Variants in MAGI2 observed in about 807,000 individuals in gnomAD.
MAGI2 encodes membrane associated guanylate kinase, WW and PDZ domain containing 2, also known as membrane-associated guanylate kinase, WW and PDZ domain-containing protein 2.
Under a neutral mutation model 133.3 loss-of-function variants are expected in MAGI2, and 35 were observed. The ratio of observed to expected loss-of-function variants is 0.26; its 90% CI spans 0.20 to 0.35. MAGI2 has a LOEUF of 0.35. Among genes scored for constraint, MAGI2 ranks in the 10% least tolerant of loss-of-function variants. The pLI, the probability that MAGI2 is intolerant of heterozygous loss-of-function variation, is 1.00. For missense variants in MAGI2, 1,636 were observed against 1,863.4 expected (o/e 0.88, Z 2.25); for synonymous variants, 729 against 710.6 (o/e 1.03, Z -0.41).
At chr7:78,649,222 T>TAAAAAAAAAAAAAAAAAAAA (rs1361378575) in intron 2 of MAGI2, among the ~76,000 whole-genome samples, 815 of 43,900 alleles carry the variant, frequency 0.019, 46 homozygotes, top group Middle Eastern at 0.026. Context: ...TGACTTGTGG[T>TAAAAAAAAAAAAAAAAAAAA]AAAAAAAAAA....
intron 20 of MAGI2, among the ~76,000 whole-genome samples, chr7:78,106,732 T>C (rs921783404): frequency 2.0e-5 from 3 of 152,196 alleles, no homozygotes; most frequent in Admixed American, 6.5e-5. Flanking sequence ...TTGAGTTGTT[T>C]GAGCTCCATA....
intron 1 of MAGI2, among the ~76,000 whole-genome samples, chr7:79,232,174 G>A (rs1457972171): frequency 3.9e-5 from 6 of 152,166 alleles, no homozygotes; most frequent in Admixed American, 1.3e-4. Flanking sequence ...GCTTTTTGAT[G>A]TGCTGCTGGA....
intron 2 of MAGI2, among the ~76,000 whole-genome samples, chr7:78,724,361 TGA>T (rs1225783280): frequency 1.3e-5 from 2 of 152,030 alleles, no homozygotes; most frequent in African/African-American, 2.4e-5. Context: ...GGGTTTCAAA[TGA>T]GAGAGTCAGA....
intron 20 of MAGI2, among the ~76,000 whole-genome samples, chr7:78,120,313 A>G (rs866614334): frequency 1.3e-5 from 2 of 152,056 alleles, no homozygotes; most frequent in East Asian, 1.9e-4. Context: ...TGAGGCAGGA[A>G]AATGGTGTGA....
At chr7:78,112,532 A>G (rs1819456960) in intron 20 of MAGI2, among the ~76,000 whole-genome samples, 2 of 152,236 alleles carry the variant, frequency 1.3e-5, no homozygotes, top group Non-Finnish European at 2.9e-5. Flanking sequence ...ATTGCCACAT[A>G]TATTCATATA....
intron 3 of MAGI2, among the ~76,000 whole-genome samples, chr7:78,619,717 C>A (rs1384298983): frequency 6.6e-6 from 1 of 151,790 alleles, no homozygotes; most frequent in Admixed American, 6.6e-5. Context: ...TACATTGGAC[C>A]AACATAGCAT....
chr7:79,007,627 C>T (rs1011580283), intron 1 of MAGI2, among the ~76,000 whole-genome samples: 2 of 152,048 alleles, frequency 1.3e-5, no homozygotes, highest in African/African-American at 4.8e-5. Flanking sequence ...ACTCTAGGTA[C>T]CTCATATAAG....
chr7:78,815,483 A>G (rs1334819679), intron 2 of MAGI2, among the ~76,000 whole-genome samples: 1 of 151,840 alleles, frequency 6.6e-6, no homozygotes, highest in Non-Finnish European at 1.5e-5. Context: ...AGGCTATCTC[A>G]TTTCATTGCA....
chr7:78,340,657 C>T (rs913189864), intron 9 of MAGI2, among the ~76,000 whole-genome samples: 10 of 152,122 alleles, frequency 6.6e-5, no homozygotes, highest in African/African-American at 2.4e-4. Flanking sequence ...TCAACATATG[C>T]AAATCAATAA....
chr7:78,305,782 G>T (rs1025681322), intron 9 of MAGI2, among the ~76,000 whole-genome samples: 2 of 152,048 alleles, frequency 1.3e-5, no homozygotes, highest in Non-Finnish European at 2.9e-5. Context: ...AAGCATACCT[G>T]ATTGGTAATA....
rs1821495255 is a variant in MAGI2, at chr7:79,136,076, A to AGAAAGAAAGAAG, written c.302-128871_302-128870insCTTCTTTCTTTC. Among the ~76,000 whole-genome samples the AGAAAGAAAGAAG allele has an allele frequency of 1.5e-3, 132 of 90,662 alleles. 1 individual carries two copies. The highest frequency in any genetic ancestry group is 5.5e-3 in the Middle Eastern group (1 of 182). The allele number at this position is 90,662 out of a possible 152,430, so 59.5% of individuals were successfully genotyped here. A position where few individuals can be genotyped will look rare whatever the true frequency, so the allele number is the denominator to read the frequency against. On this transcript the variant is annotated intron_variant, in intron 1 of 21. Coordinates refer to ENST00000354212, the MANE Select transcript of MAGI2 (RefSeq NM_012301.4). ...AAGAAAGAAAGAAAGAAGGAAAGAA[A>AGAAAGAAAGAAG]GAAAGAAAGAAAGAAAGAAAGAAAG...
chr7:78,601,951 T>C (rs1175342548), intron 3 of MAGI2, among the ~76,000 whole-genome samples: 1 of 152,122 alleles, frequency 6.6e-6, no homozygotes, highest in Non-Finnish European at 1.5e-5. Flanking sequence ...GAGTCCTACT[T>C]AGCTGAGTCT....
At chr7:78,862,376 G>C (rs1450343247) in intron 2 of MAGI2, among the ~76,000 whole-genome samples, 1 of 152,142 alleles carries the variant, frequency 6.6e-6, no homozygotes, top group African/African-American at 2.4e-5. Context: ...GGGAAAATTT[G>C]CCTTTCAAAT....
At chr7:78,384,236 C>T (rs1169529078) in intron 6 of MAGI2, among the ~76,000 whole-genome samples, 5 of 152,036 alleles carry the variant, frequency 3.3e-5, no homozygotes, top group African/African-American at 1.2e-4. Context: ...CATAATGTAA[C>T]ATATTTTGTG....
chr7:79,298,069 GTTGAA>G (rs1032226072), intron 1 of MAGI2, among the ~76,000 whole-genome samples: 5 of 152,134 alleles, frequency 3.3e-5, no homozygotes, highest in African/African-American at 1.2e-4. Context: ...CAAAATTAAA[GTTGAA>G]TATAAGTTAT....
At chr7:78,083,382 G>GA (rs1419631431) in intron 20 of MAGI2, among the ~76,000 whole-genome samples, 2 of 67,822 alleles carry the variant, frequency 2.9e-5, no homozygotes, top group Non-Finnish European at 3.1e-5. Flanking sequence ...GAGGGAGGGA[G>GA]GGGGGGAGAG....
At chr7:78,607,182 A>C (rs986243363) in intron 3 of MAGI2, among the ~76,000 whole-genome samples, 1 of 152,146 alleles carries the variant, frequency 6.6e-6, no homozygotes, top group Non-Finnish European at 1.5e-5. Context: ...TTGTGTGACT[A>C]TTGTGAGAGG....
rs1418377383 is a variant in MAGI2, at chr7:79,077,593, AAATAAATAAAT to A, written c.302-70398_302-70388del. ...GCCTCTCAAAAAAAAAAAAAAAAAA[AAATAAATAAAT>A]AAATAAATTCCCTTTTGCTTAACTA... On this transcript the variant is annotated intron_variant, in intron 1 of 21. Transcript: ENST00000354212. 2.1e-4 allele frequency among the ~76,000 whole-genome samples: 15 copies of A among 71,060 alleles called. 3 individuals carry two copies. The highest frequency in any genetic ancestry group is 4.3e-4 in the African/African-American group (12 of 27,612). The allele number at this position is 71,060 out of a possible 152,430, so 46.6% of individuals were successfully genotyped here.
intron 2 of MAGI2, among the ~76,000 whole-genome samples, chr7:78,694,263 A>G (rs1035663721): frequency 5.3e-5 from 8 of 152,152 alleles, no homozygotes; most frequent in East Asian, 1.9e-4. Flanking sequence ...GCAAAGTCAT[A>G]TAGTTCTTTT....
Sources: allele counts gnomAD v4.1 joint callset (sites outside exome capture counted in the v4.1 genomes callset), GRCh38; gene constraint gnomAD v4.1.1; transcripts MANE v1.5; gene names NCBI Gene and HGNC (gene_info 2026-07-23, HGNC 2026-07-21).